Variants in UBE2D2 observed in about 807,000 individuals in gnomAD.
UBE2D2 encodes ubiquitin conjugating enzyme E2 D2, also known as ubiquitin-conjugating enzyme E2 D2.
In UBE2D2, 2 loss-of-function variants were observed where a neutral mutation model predicts 24.2. The ratio of observed to expected loss-of-function variants is 0.08; its 90% CI spans 0.03 to 0.26. UBE2D2 has a LOEUF of 0.26. Among genes scored for constraint, UBE2D2 ranks in the 10% least tolerant of loss-of-function variants. UBE2D2 has a pLI of 1.00. For synonymous variants in UBE2D2, 58 were observed against 56.5 expected, an observed-to-expected ratio of 1.03 and a Z score of -0.12; for missense variants, 44 against 177.6, an observed-to-expected ratio of 0.25 and a Z score of 4.28.
intron 2 of UBE2D2, among the ~76,000 whole-genome samples, chr5:139,606,231 G>A (rs1183584622): frequency 2.0e-5 from 3 of 151,894 alleles, no homozygotes; most frequent in Non-Finnish European, 2.9e-5. Context: ...GCGCAATCTC[G>A]GCTCACTGAA....
Position 139,614,884 on chromosome 5 carries a change from T to C in UBE2D2, c.222T>C (p.Tyr74=). The change falls in exon 5 of 7, where the codon TAT becomes TAC. Residue 74 remains tyrosine (Y), a synonymous_variant. Transcript: ENST00000398733. ...AGGTTGCATTTACAACAAGAATTTA[T>C]CATCCAAATATTAACAGTAATGGCA... is the stretch of plus-strand genomic sequence containing the variant. ...PPKVAFTTRI[Y]HPNINSNGSI... 2 of 1,613,954 alleles carry C rather than the reference T, an allele frequency of 1.2e-6. No homozygotes were observed. Among genetic ancestry groups the C allele is most frequent in the Non-Finnish European group, 1.7e-6 (2 of 1,179,942 alleles).
chr5:139,602,948 C>T (rs549296177), intron 2 of UBE2D2, among the ~76,000 whole-genome samples: 3 of 152,272 alleles, frequency 2.0e-5, no homozygotes, highest in Admixed American at 2.0e-4. Flanking sequence ...AGTGCTGTTA[C>T]ACACGTTGTC....
At chr5:139,571,369 T>C (rs1333564472) in intron 1 of UBE2D2, among the ~76,000 whole-genome samples, 2 of 148,936 alleles carry the variant, frequency 1.3e-5, no homozygotes, top group African/African-American at 2.5e-5. Context: ...GTCGTGCCAC[T>C]GTACTCTAGT....
At chr5:139,566,001 C>A (rs1347387684) in intron 1 of UBE2D2, among the ~76,000 whole-genome samples, 1 of 150,934 alleles carries the variant, frequency 6.6e-6, no homozygotes, top group Non-Finnish European at 1.5e-5. Flanking sequence ...ATCACTTGAT[C>A]TATTTCTGTG....
chr5:139,593,083 C>T (rs767343154), intron 1 of UBE2D2, among the ~76,000 whole-genome samples: 1 of 148,460 alleles, frequency 6.7e-6, no homozygotes, highest in Non-Finnish European at 1.5e-5. Flanking sequence ...GCAACCTCCG[C>T]CTCCCGGGTT....
chr5:139,591,085 C>T (rs1753837160), intron 1 of UBE2D2, among the ~76,000 whole-genome samples: 1 of 149,550 alleles, frequency 6.7e-6, no homozygotes, highest in Admixed American at 6.7e-5. Flanking sequence ...GTGTGAGCCA[C>T]TGTGCCCAAC....
chr5:139,560,730 G>C (rs954307346), upstream of UBE2D2, among the ~76,000 whole-genome samples: 1 of 152,208 alleles, frequency 6.6e-6, no homozygotes, highest in African/African-American at 2.4e-5. Context: ...AAGCTGAGCA[G>C]AGTCTGGACA....
At chr5:139,556,305 G>A (rs934820062), upstream of UBE2D2, among the ~76,000 whole-genome samples, 1 of 152,048 alleles carries the variant, frequency 6.6e-6, no homozygotes, top group African/African-American at 2.4e-5. Context: ...CAGCTACTTG[G>A]GAGGCTGAGG....
intron 1 of UBE2D2, among the ~76,000 whole-genome samples, chr5:139,546,823 TTC>T (rs1561498192): frequency 6.6e-3 from 93 of 14,132 alleles, no homozygotes; most frequent in Middle Eastern, 0.056. Flanking sequence ...TCTTTCTTCC[TTC>T]CTTCCTTCCT....
rs370282844 is a variant in UBE2D2, at chr5:139,542,536, G to T, written c.-64+15924G>T. 1.6e-4 allele frequency among the ~76,000 whole-genome samples: 25 copies of T among 152,140 alleles called. No homozygotes were observed. In the South Asian group the frequency reaches 5.2e-3, roughly 32 times the overall value. On this transcript the variant is annotated intron_variant, in intron 1 of 6. Coordinates refer to the UBE2D2 transcript ENST00000511725. ...GGGTTTTGCCGTGTTGGCTAGGCTG[G>T]TCTCAAACCCCTGACCTCAAATCAT...
chr5:139,616,321 G>A (rs1378630488), intron 5 of UBE2D2, among the ~76,000 whole-genome samples: 4 of 151,808 alleles, frequency 2.6e-5, no homozygotes, highest in African/African-American at 7.2e-5. Flanking sequence ...GGGACAGAGC[G>A]AGACTCCGTC....
chr5:139,574,315 A>C (rs568320694), intron 1 of UBE2D2, among the ~76,000 whole-genome samples: 2 of 151,830 alleles, frequency 1.3e-5, no homozygotes, highest in Non-Finnish European at 2.9e-5. Flanking sequence ...TAGAAGAAAA[A>C]TATTACTGTC....
chr5:139,560,336 T>G (rs1467761752), upstream of UBE2D2, among the ~76,000 whole-genome samples: 1 of 152,100 alleles, frequency 6.6e-6, no homozygotes, highest in African/African-American at 2.4e-5. Flanking sequence ...TAGCTGGGAC[T>G]ACAGGCGCCT....
rs191050466 is a variant in UBE2D2 at position 139,627,171 on chromosome 5, T to C, written c.*370T>C. 1 of 169,558 alleles carries C rather than the reference T, an allele frequency of 5.9e-6. No individual in the cohort carries two copies. Among genetic ancestry groups the C allele is most frequent in the East Asian group, 1.7e-4 (1 of 5,808 alleles). 10.5% of individuals were successfully genotyped at this position (169,558 alleles called of 1,614,324 possible). On this transcript the variant is annotated 3_prime_UTR_variant, in exon 7 of 7. Transcript: ENST00000398733. ...GGAAAGAAAAGGCTCCACTCACCTA[T>C]AGGAGATTATTTTTAAGTGGAATCC...
At chr5:139,527,545 A>AT (rs1752555828) in intron 1 of UBE2D2, among the ~76,000 whole-genome samples, 1 of 152,232 alleles carries the variant, frequency 6.6e-6, no homozygotes, top group African/African-American at 2.4e-5. Context: ...GTCTAGTCAA[A>AT]ACACATAAAG....
chr5:139,543,149 C>T (rs777625876), intron 1 of UBE2D2, among the ~76,000 whole-genome samples: 1 of 152,154 alleles, frequency 6.6e-6, no homozygotes, highest in Non-Finnish European at 1.5e-5. Context: ...TCTGCCTCAG[C>T]CTCCCAAAGT....
chr5:139,597,164 A>G (rs1390392753), intron 1 of UBE2D2, among the ~76,000 whole-genome samples: 1 of 152,256 alleles, frequency 6.6e-6, no homozygotes, highest in Middle Eastern at 3.4e-3. Context: ...CAAAATAATG[A>G]TTTTGAACAT....
Position 139,528,018 on chromosome 5 carries a change from T to A in UBE2D2, c.-64+1406T>A, listed in dbSNP as rs1752560151. Among the ~76,000 whole-genome samples the A allele has an allele frequency of 5.9e-5, 9 of 152,342 alleles. No individual in the cohort carries two copies. The South Asian group carries it at 1.9e-3, about 32-fold the overall frequency. On this transcript the variant is annotated intron_variant, in intron 1 of 6. Coordinates refer to the UBE2D2 transcript ENST00000511725. The stretch of plus-strand genomic sequence containing the variant: ...TTCTACAGCCTGGAGTAATAAGTCA[T>A]GCCAAGCTCTCTCTGCTATATCCCA...
intron 2 of UBE2D2, among the ~76,000 whole-genome samples, chr5:139,609,018 C>T (rs1184208266): frequency 6.6e-6 from 1 of 151,500 alleles, no homozygotes; most frequent in Non-Finnish European, 1.5e-5. Context: ...ACCTGGGAGG[C>T]GGAGGTTGCA....
Sources: allele counts gnomAD v4.1 joint callset (sites outside exome capture counted in the v4.1 genomes callset), GRCh38; gene constraint gnomAD v4.1.1; transcripts MANE v1.5; gene names NCBI Gene and HGNC (gene_info 2026-07-23, HGNC 2026-07-21).